Variants in ANO4 observed in about 807,000 individuals in gnomAD.
ANO4 encodes the protein anoctamin-4.
Under a neutral mutation model 141.9 loss-of-function variants are expected in ANO4, and 69 were observed. The ratio of observed to expected loss-of-function variants is 0.49; its 90% CI spans 0.40 to 0.59. The LOEUF (loss-of-function observed/expected upper bound fraction) is 0.59, where lower values mean the gene tolerates loss of function less well. Ranked by LOEUF, ANO4 falls within the 20% of genes least tolerant of loss-of-function variation. The pLI is 0.00. For synonymous variants in ANO4, 350 were observed against 394.3 expected, an observed-to-expected ratio of 0.89 and a Z score of 1.33; for missense variants, 894 against 1,162.2, an observed-to-expected ratio of 0.77 and a Z score of 3.36.
chr12:100,857,242 T>C (rs926957719), intron 1 of ANO4, among the ~76,000 whole-genome samples: 4 of 152,116 alleles, frequency 2.6e-5, no homozygotes, highest in African/African-American at 9.7e-5. Flanking sequence ...CAGAATGCAT[T>C]TAATAATGTT....
chr12:100,957,530 T>C (rs907779134), intron 5 of ANO4, among the ~76,000 whole-genome samples: 2 of 152,206 alleles, frequency 1.3e-5, no homozygotes, highest in African/African-American at 4.8e-5. Context: ...AAAAATGTCA[T>C]TGGGGAGTAT....
At chr12:100,794,605 C>G (rs1565879607), upstream of ANO4, 1 of 152,264 alleles carries the variant, frequency 6.6e-6, no homozygotes, top group African/African-American at 2.4e-5. Flanking sequence ...TACTGATGTT[C>G]TCTCCGGCAG....
chr12:100,969,580 A>G (rs1293692044), intron 5 of ANO4, among the ~76,000 whole-genome samples: 4 of 152,250 alleles, frequency 2.6e-5, no homozygotes. Flanking sequence ...TCATAAATGA[A>G]TTACAACTTT....
chr12:101,110,609 A>G (rs1433723288), intron 23 of ANO4, 53 bp downstream of exon 23: 4 of 1,395,900 alleles, frequency 2.9e-6, no homozygotes, highest in African/African-American at 2.9e-5. Flanking sequence ...TCTGGTGGAT[A>G]AAATTTTAAA....
intron 9 of ANO4, among the ~76,000 whole-genome samples, chr12:101,033,657 A>G (rs2047075421): frequency 6.6e-6 from 1 of 152,192 alleles, no homozygotes; most frequent in Admixed American, 6.5e-5. Context: ...TAATTAAACT[A>G]AAGAGCTTCT....
At chr12:101,082,228 G>A (rs144204689) in intron 15 of ANO4, among the ~76,000 whole-genome samples, 1 of 152,084 alleles carries the variant, frequency 6.6e-6, no homozygotes, top group African/African-American at 2.4e-5. Context: ...TTATAAAGGG[G>A]ACATCCCCTG....
chr12:100,830,841 AG>A (rs1207839155), intron 1 of ANO4, among the ~76,000 whole-genome samples: 1 of 152,094 alleles, frequency 6.6e-6, no homozygotes, highest in Non-Finnish European at 1.5e-5. Context: ...GCTCACTTTT[AG>A]CTTAAGTATC....
Position 101,083,567 on chromosome 12 carries a change from A to G in ANO4, c.1396-111A>G, listed in dbSNP as rs531239186. 374 of 1,321,740 alleles carry G rather than the reference A, an allele frequency of 2.8e-4. 3 individuals are homozygous for G. In the African/African-American group the frequency reaches 4.7e-3, roughly 17 times the overall value. 81.9% of individuals were successfully genotyped at this position (1,321,740 alleles called of 1,614,324 possible). On this transcript the variant is annotated intron_variant, in intron 15 of 27. Transcript: ENST00000392977. ...CCCAAACCCACTTCATTGGTTGACT[A>G]ATTAGTGTGGCAGCTGTTGACTCTG...
At chr12:100,816,246 A>G (rs772586803) in intron 1 of ANO4, among the ~76,000 whole-genome samples, 111 of 152,184 alleles carry the variant, frequency 7.3e-4, no homozygotes, top group Non-Finnish European at 8.2e-4. Context: ...TGAAACAGAC[A>G]CATGAGTAAT....
chr12:101,012,925 C>T (rs182689248), intron 8 of ANO4, among the ~76,000 whole-genome samples: 5 of 152,198 alleles, frequency 3.3e-5, no homozygotes, highest in Admixed American at 2.0e-4. Flanking sequence ...AAGTTTGTGA[C>T]TTGTGAAATT....
intron 6 of ANO4, among the ~76,000 whole-genome samples, chr12:100,971,622 A>G (rs1385688508): frequency 2.0e-5 from 3 of 152,214 alleles, no homozygotes; most frequent in South Asian, 2.1e-4. Context: ...CTTAGCAGGT[A>G]GATATTTCCA....
At chr12:101,091,561 C>G (rs1245295395) in intron 17 of ANO4, among the ~76,000 whole-genome samples, 1 of 152,166 alleles carries the variant, frequency 6.6e-6, no homozygotes, top group Non-Finnish European at 1.5e-5. Context: ...AGTAAACTCT[C>G]CAGTGGCTTC....
intron 14 of ANO4, among the ~76,000 whole-genome samples, chr12:101,061,446 A>G (rs1030171346): frequency 6.6e-6 from 1 of 152,014 alleles, no homozygotes; most frequent in Non-Finnish European, 1.5e-5. Flanking sequence ...AGGCTGGGGA[A>G]GTTCTCCTGG....
At chr12:100,832,155 C>T (rs75457789) in intron 1 of ANO4, among the ~76,000 whole-genome samples, 1 of 152,034 alleles carries the variant, frequency 6.6e-6, no homozygotes, top group African/African-American at 2.4e-5. Flanking sequence ...TCCCCACCCC[C>T]CAATCCTCTG....
intron 5 of ANO4, among the ~76,000 whole-genome samples, chr12:100,967,980 C>G (rs945458298): frequency 1.3e-5 from 2 of 152,168 alleles, no homozygotes; most frequent in Non-Finnish European, 2.9e-5. Flanking sequence ...AGCCACTTGT[C>G]ACCTCTCTTT....
intron 8 of ANO4, among the ~76,000 whole-genome samples, chr12:101,015,838 T>C (rs1369913674): frequency 6.6e-6 from 1 of 152,110 alleles, no homozygotes; most frequent in Non-Finnish European, 1.5e-5. Flanking sequence ...TTACATTGTG[T>C]GCATGAGGGG....
At chr12:100,934,172 C>T (rs1050478452) in intron 3 of ANO4, among the ~76,000 whole-genome samples, 2 of 152,236 alleles carry the variant, frequency 1.3e-5, no homozygotes, top group South Asian at 4.2e-4. Context: ...AGTCCTTGCC[C>T]ATGCCTTTGT....
At chr12:100,796,668 G>T (rs188954605) in intron 1 of ANO4, among the ~76,000 whole-genome samples, 26 of 151,760 alleles carry the variant, frequency 1.7e-4, no homozygotes, top group Non-Finnish European at 3.8e-4. Flanking sequence ...AATATTATCA[G>T]CATTGCTTGG....
chr12:100,950,187 C>T, intron 5 of ANO4, among the ~76,000 whole-genome samples: 1 of 152,058 alleles, frequency 6.6e-6, no homozygotes, highest in East Asian at 1.9e-4. Context: ...ACTATGTGCA[C>T]TACCCAGATT....
Sources: gnomAD v4.1 joint callset for allele counts (sites outside exome capture counted in the v4.1 genomes callset) on GRCh38, gnomAD v4.1.1 for gene constraint, MANE v1.5 for transcripts, NCBI Gene and HGNC (gene_info 2026-07-23, HGNC 2026-07-21) for gene names.